The following ACSBG2 variants were observed in gnomAD, a reference collection of about 807,000 sequenced individuals.
ACSBG2 encodes acyl-CoA synthetase bubblegum family member 2, also known as long-chain-fatty-acid--CoA ligase ACSBG2.
Under a neutral mutation model 74.7 loss-of-function variants are expected in ACSBG2, and 62 were observed. That is an observed-to-expected ratio of 0.83 (90% confidence interval 0.68 to 1.03). ACSBG2 has a LOEUF of 1.03. Among genes scored for constraint, ACSBG2 ranks in the 50% least tolerant of loss-of-function variants. The pLI is 0.00. For missense variants in ACSBG2, 730 were observed against 817.6 expected (o/e 0.89, Z 1.31); for synonymous variants, 309 against 294.1 (o/e 1.05, Z -0.52).
chr19:6,164,141 GA>G (rs1438892886), intron 6 of ACSBG2, among the ~76,000 whole-genome samples: 1 of 152,164 alleles, frequency 6.6e-6, no homozygotes, highest in African/African-American at 2.4e-5. Flanking sequence ...CAAGACAGGG[GA>G]TTGGATTGGA....
intron 8 of ACSBG2, among the ~76,000 whole-genome samples, chr19:6,181,449 T>C (rs531839569): frequency 5.5e-4 from 83 of 152,282 alleles, no homozygotes; most frequent in African/African-American, 1.8e-3. Flanking sequence ...GTTCTTTATA[T>C]ATTCTGGTTA....
chr19:6,156,368 T>A, intron 4 of ACSBG2, 63 bp from the exon 5 acceptor site: 1 of 1,510,868 alleles, frequency 6.6e-7, no homozygotes, highest in Non-Finnish European at 8.8e-7. Flanking sequence ...CTTTTGACCT[T>A]CCAGACCATT....
chr19:6,136,321 T>A (rs1047331846), intron 1 of ACSBG2, among the ~76,000 whole-genome samples: 5 of 152,198 alleles, frequency 3.3e-5, no homozygotes, highest in African/African-American at 1.2e-4. Context: ...CTCAATCTCC[T>A]GACCTCGTGA....
At chr19:6,171,431 A>G (rs1229477980) in intron 7 of ACSBG2, among the ~76,000 whole-genome samples, 1 of 151,694 alleles carries the variant, frequency 6.6e-6, no homozygotes, top group Non-Finnish European at 1.5e-5. Flanking sequence ...ATTCCTTTAC[A>G]TTTGCTTATC....
chr19:6,147,518 A>C lies in ACSBG2; in HGVS notation c.140A>C (p.His47Pro). 2 of 1,614,236 alleles carry C rather than the reference A, an allele frequency of 1.2e-6. No homozygotes were observed. Among genetic ancestry groups the C allele is most frequent in the Admixed American group, 1.7e-5 (1 of 60,010 alleles). ...LLRLSKHGPG[H>P]ETPMTIPEFF... ...AGGCTATCCAAACACGGACCAGGCCATGAGACCCCGATGACCATCCCTGAA... is the reference window on the plus strand; with the variant it reads ...AGGCTATCCAAACACGGACCAGGCCCTGAGACCCCGATGACCATCCCTGAA... Residue 47 changes from histidine (H) to proline (P), a missense_variant, in exon 3 of 15, where the codon CAT becomes CCT. By Grantham distance (77) the His-to-Pro change is moderately conservative. Coordinates refer to ENST00000588485, the MANE Select transcript of ACSBG2 (RefSeq NM_030924.5).
At chr19:6,187,233 G>T in intron 11 of ACSBG2, 50 bp from the exon 12 acceptor site, 1 of 1,610,224 alleles carries the variant, frequency 6.2e-7, no homozygotes, top group Non-Finnish European at 8.5e-7. Flanking sequence ...TCAAACTGGG[G>T]GTTCCACGTT....
intron 11 of ACSBG2, among the ~76,000 whole-genome samples, chr19:6,186,914 C>T (rs2090422918): frequency 1.3e-5 from 2 of 151,812 alleles, no homozygotes; most frequent in African/African-American, 4.8e-5. Context: ...CCAGGTTGGT[C>T]TAGCACTTGT....
At chr19:6,147,787 T>C (rs1229427023) in intron 3 of ACSBG2, 112 bp downstream of exon 3, 8 of 1,171,306 alleles carry the variant, frequency 6.8e-6, no homozygotes, top group Non-Finnish European at 8.6e-6. Context: ...CAAAGGTTAA[T>C]TGGCGAAAAT....
intron 8 of ACSBG2, among the ~76,000 whole-genome samples, chr19:6,181,994 C>G (rs2145233601): frequency 6.6e-6 from 1 of 152,136 alleles, no homozygotes; most frequent in South Asian, 2.1e-4. Flanking sequence ...CCTGGTTTGC[C>G]TGGGACTTCC....
At position 6,179,059 on chromosome 19, in the gene ACSBG2, C is replaced by T. The variant is rs921118862; in HGVS notation, c.906+1663C>T. Among the ~76,000 whole-genome samples the T allele has an allele frequency of 1.1e-4, 17 of 152,030 alleles. 1 individual carries two copies. The highest frequency in any genetic ancestry group is 1.9e-4 in the Non-Finnish European group (13 of 68,008). On this transcript the variant is annotated intron_variant, in intron 8 of 14. Transcript: ENST00000588485. Reference sequence around the variant, plus strand: ...CTTCCCAGTTATTTCTAAGTAAGGGCGGTTTTCTGGAAAAGAGGGAACTGT... The same window carrying T: ...CTTCCCAGTTATTTCTAAGTAAGGGTGGTTTTCTGGAAAAGAGGGAACTGT...
chr19:6,189,692 C>A (rs1030431805), intron 13 of ACSBG2: 1 of 151,708 alleles, frequency 6.6e-6, no homozygotes, highest in Non-Finnish European at 1.5e-5. Context: ...CCATGCGTGG[C>A]TATTTTCTTT....
intron 7 of ACSBG2, among the ~76,000 whole-genome samples, chr19:6,166,385 T>G (rs967373234): frequency 6.7e-6 from 1 of 149,472 alleles, no homozygotes; most frequent in Admixed American, 6.7e-5. Flanking sequence ...GGCGCAATCT[T>G]GGCTCACTGC....
At chr19:6,160,539 G>T (rs766921677) in intron 5 of ACSBG2, 8 of 152,208 alleles carry the variant, frequency 5.3e-5, no homozygotes, top group Non-Finnish European at 1.2e-4. Context: ...CCGAGTAAAA[G>T]GTTAGCTAAA....
At chr19:6,149,778 G>A (rs558941047) in intron 3 of ACSBG2, among the ~76,000 whole-genome samples, 1 of 144,424 alleles carries the variant, frequency 6.9e-6, no homozygotes, top group Non-Finnish European at 1.5e-5. Context: ...AAAGTGCTGG[G>A]ATTACAGGTG....
intron 13 of ACSBG2, chr19:6,189,707 CTTTCTTTCT>C (rs2060946980): frequency 1.4e-5 from 2 of 147,800 alleles, no homozygotes; most frequent in Admixed American, 6.8e-5. Context: ...TTCTTTCTTT[CTTTCTTTCT>C]TTTTTTTTTT....
intron 8 of ACSBG2, 63 bp downstream of exon 8, chr19:6,177,459 T>C (rs2090118504): frequency 1.3e-6 from 2 of 1,498,440 alleles, no homozygotes; most frequent in Non-Finnish European, 1.8e-6. Context: ...GGTGAGTAGA[T>C]GGTTGTTAAT....
At chr19:6,188,553 G>C (rs1304262440) in intron 13 of ACSBG2, among the ~76,000 whole-genome samples, 1 of 152,182 alleles carries the variant, frequency 6.6e-6, no homozygotes, top group Non-Finnish European at 1.5e-5. Flanking sequence ...CTTGAGCCCA[G>C]GGAGGTCAAG....
chr19:6,159,876 C>G lies in ACSBG2; in HGVS notation c.508-1339C>G, dbSNP rs150585363. ...TTTTGTATCCCTCAGACATCCCAAG[C>G]TGTTGCCTGCCCCAGGCTCCTTGAA... On this transcript the variant is annotated intron_variant, in intron 5 of 14. Transcript: ENST00000588485. Among the ~76,000 whole-genome samples, 389 of 152,324 alleles carry G rather than the reference C, an allele frequency of 2.6e-3. 3 individuals carry two copies. The highest frequency in any genetic ancestry group is 2.7e-3 in the Non-Finnish European group (183 of 68,038).
Position 6,187,394 on chromosome 19 carries a change from A to G in ACSBG2, c.1652A>G (p.Lys551Arg), listed in dbSNP as rs754403409. 1.2e-6 allele frequency: 2 copies of G among 1,614,078 alleles called. No homozygotes were observed. Among genetic ancestry groups the G allele is most frequent in the Non-Finnish European group, 1.7e-6 (2 of 1,180,032 alleles). ...SNAMLVGDKL[K>R]FLSMLLTLKC... The stretch of plus-strand genomic sequence containing the variant: ...GCCATGTTAGTAGGAGATAAACTGA[A>G]GTTTCTGAGCATGTTGCTGACGCTG... Residue 551 changes from lysine (K) to arginine (R), a missense_variant, in exon 12 of 15, where the codon AAG (lysine) becomes AGG (arginine). Physicochemically the swap from Lys to Arg is conservative, Grantham distance 26. Coordinates refer to ENST00000588485, the MANE Select transcript of ACSBG2 (RefSeq NM_030924.5).
Sources: allele counts gnomAD v4.1 joint callset (sites outside exome capture counted in the v4.1 genomes callset), GRCh38; gene constraint gnomAD v4.1.1; transcripts MANE v1.5; gene names NCBI Gene and HGNC (gene_info 2026-07-23, HGNC 2026-07-21).